Variants in SULT2A1 observed in about 807,000 individuals in gnomAD.
The protein encoded by SULT2A1 is sulfotransferase family 2A member 1, also known as sulfotransferase 2A1.
SULT2A1 carries 43 observed loss-of-function variants against 33.9 expected under a neutral mutation model. That is an observed-to-expected ratio of 1.27 (90% CI 1.00 to 1.64). The LOEUF (loss-of-function observed/expected upper bound fraction) is 1.64. SULT2A1 is among the 40% of genes most tolerant of loss of function. SULT2A1 has a pLI of 0.00. For synonymous variants in SULT2A1, 125 were observed against 113.6 expected (o/e 1.10, Z -0.64); for missense variants, 300 against 335.1 (o/e 0.90, Z 0.82).
intron 5 of SULT2A1, among the ~76,000 whole-genome samples, chr19:47,872,258 C>T (rs370992558): frequency 2.6e-4 from 40 of 152,274 alleles, no homozygotes; most frequent in African/African-American, 9.1e-4. Context: ...AAGTTAGTCT[C>T]AGCATGGCAG....
chr19:47,879,747 G>A (rs943165138), intron 3 of SULT2A1, among the ~76,000 whole-genome samples: 1 of 145,110 alleles, frequency 6.9e-6, no homozygotes. Flanking sequence ...CTTGGACACA[G>A]GGTGGGGAAC....
chr19:47,881,142 TCTCGTGCCTCAGC>T (rs1968599490), intron 3 of SULT2A1, among the ~76,000 whole-genome samples: 1 of 152,030 alleles, frequency 6.6e-6, no homozygotes. Context: ...TTCAAGCAAT[TCTCGTGCCTCAGC>T]CTCCTGAGTA....
chr19:47,881,192 C>A (rs10425154), intron 3 of SULT2A1, among the ~76,000 whole-genome samples: 24,949 of 151,792 alleles, frequency 0.16, 2,147 homozygotes, highest in East Asian at 0.2. Context: ...CCCACCACCA[C>A]GGCCAGCTAA....
chr19:47,883,465 A>G (rs940785195), intron 2 of SULT2A1, 112 bp downstream of exon 2: 12 of 1,092,902 alleles, frequency 1.1e-5, no homozygotes, highest in Non-Finnish European at 1.6e-5. Flanking sequence ...AGGTCTCAAC[A>G]ACACAGACCT....
At position 47,883,612 on chromosome 19, in the gene SULT2A1, A is replaced by C. The variant is rs2122156188; in HGVS notation, c.310T>G (p.Leu104Val). The change falls in exon 2 of 6, where the codon TTA (leucine) becomes GTA (valine). Residue 104 changes from leucine to valine, a missense_variant. Coordinates refer to ENST00000222002, the MANE Select transcript of SULT2A1 (RefSeq NM_003167.4). ...RLFSSHLPIQ[L>V]FPKSFFSSKA... ...GAACTGAAGAAAGACTTGGGGAATA[A>C]CTGGATGGGGAGGTGGGAGGAGAAT... 1 of 1,614,012 alleles carries C rather than the reference A, an allele frequency of 6.2e-7. No individual in the cohort carries two copies. The highest frequency in any genetic ancestry group is 1.3e-5 in the African/African-American group (1 of 75,004).
intron 1 of SULT2A1, among the ~76,000 whole-genome samples, chr19:47,885,259 A>C (rs1314134366): frequency 6.6e-6 from 1 of 152,208 alleles, no homozygotes; most frequent in Non-Finnish European, 1.5e-5. Flanking sequence ...CCTTCTCTTC[A>C]GCCCCTGGCA....
At chr19:47,874,929 A>G in intron 4 of SULT2A1, 95 bp from the exon 5 acceptor site, 1 of 1,102,524 alleles carries the variant, frequency 9.1e-7, no homozygotes, top group South Asian at 1.5e-5. Flanking sequence ...TGGGAGGCTG[A>G]GGCGGTTGGA....
chr19:47,871,913 T>C (rs950216545), intron 5 of SULT2A1, among the ~76,000 whole-genome samples: 1 of 151,832 alleles, frequency 6.6e-6, no homozygotes, highest in African/African-American at 2.4e-5. Context: ...TGGTCTCTGC[T>C]TTTTTTTCTT....
At chr19:47,874,888 G>A (rs758847869) in intron 4 of SULT2A1, 54 bp from the exon 5 acceptor site, 23 of 1,545,254 alleles carry the variant, frequency 1.5e-5, no homozygotes, top group Middle Eastern at 1.8e-4. Flanking sequence ...AAGGCTGGGC[G>A]TGGTGGTTCA....
chr19:47,885,719 T>G (rs984520768), intron 1 of SULT2A1, among the ~76,000 whole-genome samples: 1 of 152,238 alleles, frequency 6.6e-6, no homozygotes, highest in Non-Finnish European at 1.5e-5. Flanking sequence ...TTGTGGTTCC[T>G]GGCCATTGCC....
chr19:47,877,062 G>A (rs1315125077), intron 4 of SULT2A1, among the ~76,000 whole-genome samples: 1 of 125,016 alleles, frequency 8.0e-6, no homozygotes, highest in Non-Finnish European at 1.6e-5. Flanking sequence ...GGGCGACAGA[G>A]CAAGACTCCA....
chr19:47,882,370 T>C (rs2637115), intron 2 of SULT2A1, among the ~76,000 whole-genome samples, 160 bp from the exon 3 acceptor site: 131,510 of 152,082 alleles, frequency 0.86, 57,037 homozygotes, highest in East Asian at 1. Flanking sequence ...TCAAATTTGA[T>C]GTGCCTATGA....
At position 47,874,715 on chromosome 19, in the gene SULT2A1, G is replaced by A. The variant is rs1314959911; in HGVS notation, c.687C>T (p.Ser229=). ...SFQSMKENKM[S]NYSLLSVDYV... is the part of the protein sequence containing the mutation. The stretch of plus-strand genomic sequence containing the variant: ...AATCAACACTCAGGAGGGAATAATT[G>A]GACATCTTGTTTTCTTTCATGCTCT... Residue 229 remains serine (S), a synonymous_variant, in exon 5 of 6, where the codon TCC becomes TCT. Transcript: ENST00000222002. 6.2e-7 allele frequency: 1 copy of A among 1,614,054 alleles called. No individual in the cohort carries two copies. Among genetic ancestry groups the A allele is most frequent in the East Asian group, 2.2e-5 (1 of 44,882 alleles).
chr19:47,872,011 G>A (rs886360277), intron 5 of SULT2A1, among the ~76,000 whole-genome samples: 1 of 151,644 alleles, frequency 6.6e-6, no homozygotes, highest in Non-Finnish European at 1.5e-5. Context: ...TCTGCCTCCC[G>A]AGTTCAAGCA....
At chr19:47,874,067 AGAATGGATAAT>A (rs1968518878) in intron 5 of SULT2A1, among the ~76,000 whole-genome samples, 1 of 152,142 alleles carries the variant, frequency 6.6e-6, no homozygotes, top group African/African-American at 2.4e-5. Context: ...CACTGTCTGT[AGAATGGATAAT>A]GCTCATGTCA....
intron 1 of SULT2A1, 27 bp downstream of exon 1, chr19:47,886,095 T>C: frequency 6.2e-7 from 1 of 1,609,944 alleles, no homozygotes. Flanking sequence ...CCACAGCCTT[T>C]CTCAGTTCAC....
intron 2 of SULT2A1, 147 bp from the exon 3 acceptor site, chr19:47,882,357 T>C (rs577250231): frequency 1.0e-6 from 1 of 992,472 alleles, no homozygotes; most frequent in African/African-American, 1.6e-5. Context: ...CTGCACTCAC[T>C]AATCAAATTT....
intron 4 of SULT2A1, 26 bp downstream of exon 4, chr19:47,879,010 A>C (rs771816256): frequency 1.4e-6 from 2 of 1,425,952 alleles, no homozygotes; most frequent in South Asian, 2.3e-5. Context: ...GAGGGTGTGC[A>C]CTGACTCTAA....
chr19:47,883,769 A>C lies in SULT2A1; in HGVS notation c.153T>G (p.Ala51=), dbSNP rs1423399503. ...TGGAGTGCATCAGGCAGAGAATCTC[A>C]GCCAACCAGTTTGTTCCTGGAAAAA... The part of the protein sequence containing the change: ...TYPKSGTNWL[A]EILCLMHSKG... Residue 51 remains alanine (A), a synonymous_variant, in exon 2 of 6, where the codon GCT becomes GCG. Transcript: ENST00000222002. 22 of 1,612,712 alleles carry C rather than the reference A, an allele frequency of 1.4e-5. No homozygotes were observed. The highest frequency in any genetic ancestry group is 1.8e-5 in the Non-Finnish European group (21 of 1,178,826).
Sources: gnomAD v4.1 joint callset for allele counts (sites outside exome capture counted in the v4.1 genomes callset) on GRCh38, gnomAD v4.1.1 for gene constraint, MANE v1.5 for transcripts, NCBI Gene and HGNC (gene_info 2026-07-23, HGNC 2026-07-21) for gene names.